Variants in GSAP observed in about 807,000 individuals in gnomAD.
GSAP encodes the protein gamma-secretase-activating protein.
A neutral mutation model predicts 131.7 loss-of-function variants in GSAP; 118 were observed. That is an observed-to-expected ratio of 0.90 (90% CI 0.77 to 1.04). GSAP has a LOEUF of 1.04. GSAP is among the 50% of genes least tolerant of loss of function. The pLI is 0.00. For missense variants in GSAP, 1,019 were observed against 1,013.2 expected (o/e 1.01, Z -0.08); for synonymous variants, 381 against 363.4 (o/e 1.05, Z -0.55).
upstream of GSAP, chr7:77,416,432 C>A: frequency 3.8e-6 from 2 of 528,258 alleles, no homozygotes; most frequent in Non-Finnish European, 6.5e-6. Flanking sequence ...TTTCCTCTCC[C>A]CCGCCCCCTG....
chr7:77,392,771 G>C (rs1172043464), intron 5 of GSAP, among the ~76,000 whole-genome samples: 1 of 152,292 alleles, frequency 6.6e-6, no homozygotes, highest in East Asian at 1.9e-4. Context: ...TTCTGAAGGA[G>C]CTCTGGTTAT....
intron 1 of GSAP, among the ~76,000 whole-genome samples, chr7:77,407,415 T>C (rs1802484445): frequency 6.6e-6 from 1 of 152,196 alleles, no homozygotes; most frequent in Non-Finnish European, 1.5e-5. Context: ...CTTAATCTTT[T>C]AATTGGGATA....
intron 3 of GSAP, among the ~76,000 whole-genome samples, chr7:77,404,050 T>C (rs991613626): frequency 1.3e-5 from 2 of 152,194 alleles, no homozygotes; most frequent in Admixed American, 6.5e-5. Flanking sequence ...TGATAACTGA[T>C]TACAAGAACT....
At chr7:77,389,192 C>T (rs990336532) in intron 5 of GSAP, among the ~76,000 whole-genome samples, 4 of 151,712 alleles carry the variant, frequency 2.6e-5, no homozygotes, top group African/African-American at 4.8e-5. Context: ...TATTAAATAG[C>T]ACGAACTGAC....
chr7:77,377,258 A>AAAAAAAAAAAAAAAAAAAAATG, intron 9 of GSAP, 28 bp downstream of exon 9: 1 of 1,400,740 alleles, frequency 7.1e-7, no homozygotes, highest in Non-Finnish European at 9.4e-7. Flanking sequence ...AAAAAAAAAA[A>AAAAAAAAAAAAAAAAAAAAATG]GGAGTGCCCG....
At chr7:77,410,058 G>C (rs1417618708) in intron 1 of GSAP, among the ~76,000 whole-genome samples, 1 of 152,158 alleles carries the variant, frequency 6.6e-6, no homozygotes, top group Non-Finnish European at 1.5e-5. Context: ...CTAATGTACA[G>C]CCAGGGTTAA....
At chr7:77,334,046 C>G (rs915389088) in intron 19 of GSAP, among the ~76,000 whole-genome samples, 6 of 152,136 alleles carry the variant, frequency 3.9e-5, no homozygotes, top group Non-Finnish European at 7.4e-5. Flanking sequence ...AGTATTATAC[C>G]ATTTGACCCA....
intron 28 of GSAP, 63 bp from the exon 29 acceptor site, chr7:77,312,265 A>T: frequency 1.4e-6 from 1 of 738,240 alleles, no homozygotes; most frequent in South Asian, 1.8e-5. Context: ...AACACACCTT[A>T]TATCTATTCA....
At chr7:77,328,337 G>C (rs1788604554) in intron 22 of GSAP, 20 of 1,216,800 alleles carry the variant, frequency 1.6e-5, no homozygotes, top group Non-Finnish European at 1.8e-5. Context: ...GGGCAGCTCT[G>C]TATGACAGGA....
intron 26 of GSAP, among the ~76,000 whole-genome samples, chr7:77,319,041 T>G (rs56324553): frequency 0.1 from 15,361 of 152,064 alleles, 863 homozygotes; most frequent in African/African-American, 0.15. Flanking sequence ...GTTGTGCACA[T>G]GTACCCTAAA....
intron 14 of GSAP, among the ~76,000 whole-genome samples, chr7:77,360,552 C>T (rs1376338224): frequency 6.6e-6 from 1 of 152,098 alleles, no homozygotes; most frequent in African/African-American, 2.4e-5. Flanking sequence ...TTTTAGGCTG[C>T]TACCAAAAAA....
At chr7:77,334,939 C>A (rs112123532) in intron 19 of GSAP, among the ~76,000 whole-genome samples, 8 of 151,614 alleles carry the variant, frequency 5.3e-5, no homozygotes, top group African/African-American at 1.7e-4. Context: ...AAAAATTAGC[C>A]GGGTGTGGTG....
intron 5 of GSAP, among the ~76,000 whole-genome samples, chr7:77,387,714 C>T (rs913050739): frequency 2.0e-5 from 3 of 152,160 alleles, no homozygotes; most frequent in African/African-American, 7.2e-5. Context: ...CCCTCAGGAG[C>T]CCTGAAGAAG....
chr7:77,325,258 T>A (rs1391574205), intron 23 of GSAP, among the ~76,000 whole-genome samples: 1 of 152,192 alleles, frequency 6.6e-6, no homozygotes, highest in Non-Finnish European at 1.5e-5. Context: ...TTAAAAACTA[T>A]GAAACTCAAA....
chr7:77,376,380 A>G (rs1181895), intron 10 of GSAP, among the ~76,000 whole-genome samples: 134,528 of 152,256 alleles, frequency 0.88, 59,835 homozygotes, highest in African/African-American at 0.97. Flanking sequence ...TAGAGTGGAA[A>G]CCTGGAGGTG....
chr7:77,332,756 A>AG (rs576343424), intron 19 of GSAP, among the ~76,000 whole-genome samples: 33 of 152,176 alleles, frequency 2.2e-4, no homozygotes, highest in South Asian at 4.1e-4. Context: ...GTTTTTTAGG[A>AG]GGGGGGTCAC....
chr7:77,411,824 T>C (rs1803333481), intron 1 of GSAP, among the ~76,000 whole-genome samples: 1 of 152,182 alleles, frequency 6.6e-6, no homozygotes, highest in African/African-American at 2.4e-5. Flanking sequence ...TCGTGAAGAA[T>C]ACTAAGGTGA....
At chr7:77,367,897 C>G (rs906781548) in intron 12 of GSAP, among the ~76,000 whole-genome samples, 6 of 152,152 alleles carry the variant, frequency 3.9e-5, no homozygotes, top group African/African-American at 7.2e-5. Context: ...TTGGTCTGTT[C>G]AGGGAATCAA....
chr7:77,394,339 G>A (rs895524192), intron 5 of GSAP, among the ~76,000 whole-genome samples: 6 of 152,160 alleles, frequency 3.9e-5, no homozygotes, highest in African/African-American at 1.4e-4. Context: ...TGAACAGCGA[G>A]TCTACCAAGT....
Sources: gnomAD v4.1 joint callset for allele counts (sites outside exome capture counted in the v4.1 genomes callset) on GRCh38, gnomAD v4.1.1 for gene constraint, MANE v1.5 for transcripts, NCBI Gene and HGNC (gene_info 2026-07-23, HGNC 2026-07-21) for gene names.